PRKCQ: variants seen among roughly 807,000 people sequenced by gnomAD.
PRKCQ encodes protein kinase C theta type.
PRKCQ carries 41 observed loss-of-function variants against 91.2 expected under a neutral mutation model. That is an observed-to-expected ratio of 0.45 (90% confidence interval 0.35 to 0.58). The LOEUF (loss-of-function observed/expected upper bound fraction) is 0.58, where lower values mean the gene tolerates loss of function less well. Ranked by LOEUF, PRKCQ falls within the 20% of genes least tolerant of loss-of-function variation. The probability of loss-of-function intolerance (pLI) is 0.00; values close to 1 mark genes in which losing one functional copy is unlikely to be tolerated. For missense variants in PRKCQ, 673 were observed against 896.5 expected (o/e 0.75, Z 3.18); for synonymous variants, 307 against 316.9 (o/e 0.97, Z 0.33).
intron 14 of PRKCQ, among the ~76,000 whole-genome samples, chr10:6,460,965 T>C (rs1272632692): frequency 6.7e-6 from 1 of 149,474 alleles, no homozygotes; most frequent in Admixed American, 6.7e-5. Context: ...CCATACATCA[T>C]CCATCCACCC....
chr10:6,467,296 TGAGAGAGAGAGA>T (rs35362449), intron 12 of PRKCQ, among the ~76,000 whole-genome samples: 1 of 111,940 alleles, frequency 8.9e-6, no homozygotes, highest in African/African-American at 3.1e-5. Flanking sequence ...CCAAGCAGGC[TGAGAGAGAGAGA>T]GAGAGAGAGA....
chr10:6,544,813 T>C (rs532536501), intron 1 of PRKCQ, among the ~76,000 whole-genome samples: 1 of 151,946 alleles, frequency 6.6e-6, no homozygotes, highest in Non-Finnish European at 1.5e-5. Context: ...GTAGAGACAG[T>C]GTTTCACCAT....
chr10:6,558,705 G>T (rs1181824410), intron 1 of PRKCQ, among the ~76,000 whole-genome samples: 2 of 152,174 alleles, frequency 1.3e-5, no homozygotes, highest in Non-Finnish European at 2.9e-5. Flanking sequence ...GTGAGGAGGT[G>T]GTCACCGTGA....
chr10:6,575,313 T>A (rs1841188839), intron 1 of PRKCQ, among the ~76,000 whole-genome samples: 1 of 152,222 alleles, frequency 6.6e-6, no homozygotes, highest in South Asian at 2.1e-4. Flanking sequence ...TCCATTGTCC[T>A]GGGAACTTGT....
chr10:6,521,922 G>GTTATGTTATTTATTTATTTAT (rs748814617), intron 1 of PRKCQ, among the ~76,000 whole-genome samples: 16 of 63,266 alleles, frequency 2.5e-4, no homozygotes, highest in African/African-American at 7.2e-4. Flanking sequence ...GTTATGTTAT[G>GTTATGTTATTTATTTATTTAT]TTATTTATTT....
chr10:6,451,791 G>A (rs1834696768), intron 15 of PRKCQ, among the ~76,000 whole-genome samples: 1 of 152,124 alleles, frequency 6.6e-6, no homozygotes, highest in African/African-American at 2.4e-5. Context: ...ATCAATAAAT[G>A]TAATCCAGCA....
chr10:6,444,729 C>T lies in PRKCQ; in HGVS notation c.1648-2648G>A, dbSNP rs188023678. Among the ~76,000 whole-genome samples the T allele has an allele frequency of 1.2e-4, 18 of 152,148 alleles. No homozygotes were observed. The East Asian group carries it at 3.3e-3, about 28-fold the overall frequency. On this transcript the variant is annotated intron_variant, in intron 15 of 17. Transcript: ENST00000263125. ...AAATACACACACACACACACACGCA[C>T]GCAGAAGGTATTTTTTTGTTGGCGC...
chr10:6,395,880 C>G, the PRKCQ span, among the ~76,000 whole-genome samples: 1 of 152,088 alleles, frequency 6.6e-6, no homozygotes, highest in Non-Finnish European at 1.5e-5. Flanking sequence ...CAGAGGCCAA[C>G]CTTTTCCTTC....
intron 11 of PRKCQ, among the ~76,000 whole-genome samples, chr10:6,481,008 A>AAG (rs1198260265): frequency 6.6e-6 from 1 of 152,244 alleles, no homozygotes; most frequent in Non-Finnish European, 1.5e-5. Flanking sequence ...ATAAAGCCAG[A>AAG]AGAGAGAGAA....
chr10:6,485,362 TG>T, intron 9 of PRKCQ, 93 bp from the exon 10 acceptor site: 1 of 938,588 alleles, frequency 1.1e-6, no homozygotes, highest in Non-Finnish European at 1.7e-6. Context: ...CCATTTAAAA[TG>T]TTTAAATGCA....
chr10:6,401,608 T>C, the PRKCQ span, among the ~76,000 whole-genome samples: 112 of 152,018 alleles, frequency 7.4e-4, 1 homozygote, highest in African/African-American at 1.8e-3. Flanking sequence ...TTACAACACC[T>C]GGGGTTCTGA....
At chr10:6,415,405 C>CATATATATAT in the PRKCQ span, among the ~76,000 whole-genome samples, 25 of 104,874 alleles carry the variant, frequency 2.4e-4, no homozygotes, top group Non-Finnish European at 3.2e-4. Flanking sequence ...CAAGAAAATA[C>CATATATATAT]ATATATATAT....
rs114226546 is a variant in PRKCQ, at chr10:6,486,223, G to C, written c.791-79C>G. Reference sequence around the variant, plus strand: ...AACAACTCTCTCTGGAGGTAAGACAGAGCCTTGCGGATAGGGAGGAAAGCC... The same window carrying C: ...AACAACTCTCTCTGGAGGTAAGACACAGCCTTGCGGATAGGGAGGAAAGCC... On this transcript the variant is annotated intron_variant, in intron 8 of 17. Coordinates refer to ENST00000263125, the MANE Select transcript of PRKCQ (RefSeq NM_006257.5). The C allele has an allele frequency of 1.3e-3, 1,586 of 1,194,040 alleles. 18 individuals carry two copies. The African/African-American group carries it at 0.021, about 16-fold the overall frequency. 74.0% of individuals were successfully genotyped at this position (1,194,040 alleles called of 1,614,324 possible). A position where few individuals can be genotyped will look rare whatever the true frequency, so the allele number is the denominator to read the frequency against.
At chr10:6,557,282 C>T (rs570546586) in intron 1 of PRKCQ, among the ~76,000 whole-genome samples, 4 of 152,326 alleles carry the variant, frequency 2.6e-5, no homozygotes, top group Non-Finnish European at 4.4e-5. Flanking sequence ...GCGCTGATGA[C>T]TTGGTCATTT....
intron 1 of PRKCQ, among the ~76,000 whole-genome samples, chr10:6,549,624 CTTTT>C (rs753280727): frequency 3.2e-5 from 4 of 124,408 alleles, no homozygotes; most frequent in Non-Finnish European, 3.3e-5. Flanking sequence ...TAAAATTCAT[CTTTT>C]TTTTTTTTTT....
chr10:6,436,389 G>A (rs1027047025), intron 16 of PRKCQ, among the ~76,000 whole-genome samples: 1 of 152,076 alleles, frequency 6.6e-6, no homozygotes, highest in Admixed American at 6.5e-5. Context: ...TTCTCCCAAC[G>A]GTTCCATCCC....
chr10:6,535,088 C>A (rs1381407326), intron 1 of PRKCQ, among the ~76,000 whole-genome samples: 1 of 152,154 alleles, frequency 6.6e-6, no homozygotes, highest in African/African-American at 2.4e-5. Context: ...TCCAAGGCTG[C>A]CGAGCTTGTA....
rs754010576 is a variant in PRKCQ at position 6,485,144 on chromosome 10, A to G, written c.1018+8T>C. 1.4e-5 allele frequency: 23 copies of G among 1,608,930 alleles called. No individual in the cohort carries two copies. Among genetic ancestry groups the G allele is most frequent in the Admixed American group, 1.7e-5 (1 of 59,986 alleles). On this transcript the variant is annotated splice_region_variant and intron_variant, in intron 10 of 17. Transcript: ENST00000263125. The stretch of plus-strand genomic sequence containing the variant: ...GACAGTGATTAGACTGCTGATCAGG[A>G]CAGCTACCTCTTTTTCCCGGTGTCG...
At chr10:6,462,927 C>T (rs961350315) in intron 13 of PRKCQ, among the ~76,000 whole-genome samples, 3 of 151,400 alleles carry the variant, frequency 2.0e-5, no homozygotes, top group African/African-American at 2.4e-5. Flanking sequence ...ATCACTTGAA[C>T]CTGGGAGGCA....
Sources: gnomAD v4.1 joint callset for allele counts (sites outside exome capture counted in the v4.1 genomes callset) on GRCh38, gnomAD v4.1.1 for gene constraint, MANE v1.5 for transcripts, NCBI Gene and HGNC (gene_info 2026-07-23, HGNC 2026-07-21) for gene names.